Variants in WDTC1 observed in about 807,000 individuals in gnomAD.
WDTC1 encodes the protein WD and tetratricopeptide repeats protein 1.
Under a neutral mutation model 76.0 loss-of-function variants are expected in WDTC1, and 12 were observed. That is an observed-to-expected ratio of 0.16 (90% CI 0.10 to 0.26). The LOEUF (loss-of-function observed/expected upper bound fraction) is 0.26, where lower values mean the gene tolerates loss of function less well. WDTC1 is among the 10% of genes least tolerant of loss of function. The pLI is 1.00. For missense variants in WDTC1, 511 were observed against 908.8 expected, an observed-to-expected ratio of 0.56 and a Z score of 5.63; for synonymous variants, 326 against 350.8, an observed-to-expected ratio of 0.93 and a Z score of 0.79.
chr1:27,300,989 C>T (rs1269306239), intron 12 of WDTC1, among the ~76,000 whole-genome samples: 4 of 152,230 alleles, frequency 2.6e-5, no homozygotes, highest in South Asian at 2.1e-4. Flanking sequence ...GGCAGCCTGA[C>T]ACCAGCTTTT....
At chr1:27,288,786 A>G (rs1173246646) in intron 6 of WDTC1, among the ~76,000 whole-genome samples, 43 of 151,686 alleles carry the variant, frequency 2.8e-4, no homozygotes, top group African/African-American at 9.9e-4. Flanking sequence ...CGATTTCTCA[A>G]TCTTTTCCCC....
chr1:27,299,393 G>T (rs1436386424), intron 12 of WDTC1, among the ~76,000 whole-genome samples: 1 of 152,164 alleles, frequency 6.6e-6, no homozygotes, highest in Non-Finnish European at 1.5e-5. Flanking sequence ...GAAAAGTTGG[G>T]TCGCTTTAGC....
rs185330199 is a variant in WDTC1 at position 27,306,891 on chromosome 1, C to G, written c.*508C>G. 6.1e-6 allele frequency: 1 copy of G among 163,950 alleles called. No homozygotes were observed. The highest frequency in any genetic ancestry group is 2.4e-5 in the African/African-American group (1 of 41,712). 10.2% of individuals were successfully genotyped at this position (163,950 alleles called of 1,614,324 possible). A position where few individuals can be genotyped will look rare whatever the true frequency, so the allele number is the denominator to read the frequency against. ...AAAAAGGATGGGTCCCACCCTCCCT[C>G]CAGAGCCACCAGTGTTAGAGCGGAG... On this transcript the variant is annotated 3_prime_UTR_variant, in exon 16 of 16. Coordinates refer to ENST00000319394, the MANE Select transcript of WDTC1 (RefSeq NM_001276252.2). The surrounding 1 kb of genome is among the most constrained non-coding windows in gnomAD (Gnocchi z 5.0).
intron 2 of WDTC1, among the ~76,000 whole-genome samples, chr1:27,261,701 G>A (rs1229792745): frequency 2.0e-5 from 3 of 152,106 alleles, no homozygotes; most frequent in Non-Finnish European, 2.9e-5. Flanking sequence ...GGCATGATGT[G>A]CTCCAGCACT....
At position 27,298,063 on chromosome 1, in the gene WDTC1, A is replaced by G. The variant is rs1458517810; in HGVS notation, c.1184A>G (p.Asn395Ser). The change falls in exon 12 of 16, where the codon AAT (asparagine) becomes AGT (serine). Residue 395 changes from asparagine (N) to serine (S), a missense_variant. Transcript: ENST00000319394. ...YSKAVQRAPH[N>S]AMLYGNRAAA... ...AAGGCTGTGCAGAGGGCCCCTCACA[A>G]TGCCATGCTTTATGGAAACCGAGCA... 1.2e-6 allele frequency: 2 copies of G among 1,613,660 alleles called. No individual in the cohort carries two copies. Among genetic ancestry groups the G allele is most frequent in the Non-Finnish European group, 1.7e-6 (2 of 1,179,730 alleles).
At chr1:27,239,902 C>CT (rs1309574696) in intron 1 of WDTC1, among the ~76,000 whole-genome samples, 1 of 149,120 alleles carries the variant, frequency 6.7e-6, no homozygotes, top group Non-Finnish European at 1.5e-5. Flanking sequence ...CTTTTTCTTT[C>CT]TTTTTTTAAG....
rs74061747 is a variant in WDTC1 at position 27,267,052 on chromosome 1, C to T, written c.132+3817C>T. Among the ~76,000 whole-genome samples the T allele has an allele frequency of 8.8e-3, 1,338 of 152,264 alleles. 22 individuals carry two copies. Among genetic ancestry groups the T allele is most frequent in the African/African-American group, 0.03 (1,250 of 41,544 alleles). Reference sequence around the variant, plus strand: ...CTTTCATAACCTTATCCCTATTCAACCATGCGATTTCTGTAGCTTCCGCCT... The same window carrying T: ...CTTTCATAACCTTATCCCTATTCAATCATGCGATTTCTGTAGCTTCCGCCT... On this transcript the variant is annotated intron_variant, in intron 3 of 15. Transcript: ENST00000319394.
intron 3 of WDTC1, among the ~76,000 whole-genome samples, chr1:27,281,790 G>A (rs9728941): frequency 0.79 from 120,472 of 151,874 alleles, 48,612 homozygotes; most frequent in Middle Eastern, 0.89. Flanking sequence ...GGGTTTCGCC[G>A]TGTTGCCCAG....
chr1:27,259,486 T>C (rs766684104), intron 1 of WDTC1, among the ~76,000 whole-genome samples: 56 of 151,852 alleles, frequency 3.7e-4, no homozygotes, highest in Non-Finnish European at 6.9e-4. Flanking sequence ...AGTTTTGTTA[T>C]GATAAAATTG....
At chr1:27,276,070 G>A (rs557850064) in intron 3 of WDTC1, among the ~76,000 whole-genome samples, 129 of 151,926 alleles carry the variant, frequency 8.5e-4, no homozygotes, top group Non-Finnish European at 1.5e-3. Context: ...TCTTTTTTGC[G>A]GCCAAATAGC....
At chr1:27,241,516 A>G (rs974030488) in intron 1 of WDTC1, among the ~76,000 whole-genome samples, 3 of 152,118 alleles carry the variant, frequency 2.0e-5, no homozygotes, top group African/African-American at 7.2e-5. Flanking sequence ...ACACATCTGG[A>G]TATAACACTA....
chr1:27,266,463 T>G (rs2012679586), intron 3 of WDTC1, among the ~76,000 whole-genome samples: 1 of 152,226 alleles, frequency 6.6e-6, no homozygotes, highest in African/African-American at 2.4e-5. Context: ...AAAGGCCATT[T>G]CTTCATCTGT....
At chr1:27,261,211 C>A in intron 2 of WDTC1, 109 bp downstream of exon 2, 1 of 1,303,036 alleles carries the variant, frequency 7.7e-7, no homozygotes, top group Non-Finnish European at 1.1e-6. Flanking sequence ...CCTAAAGTCA[C>A]GTAGCTAGTT....
chr1:27,295,627 G>C (rs1424824233), intron 9 of WDTC1, among the ~76,000 whole-genome samples: 1 of 151,576 alleles, frequency 6.6e-6, no homozygotes, highest in Admixed American at 6.6e-5. Context: ...GGCTAATTTT[G>C]TATTTTTAGT....
intron 1 of WDTC1, among the ~76,000 whole-genome samples, chr1:27,241,280 C>T (rs2011625275): frequency 6.6e-6 from 1 of 152,134 alleles, no homozygotes; most frequent in Non-Finnish European, 1.5e-5. Flanking sequence ...AGGATCAGAC[C>T]TTGCCCAGGG....
At chr1:27,297,239 C>A in intron 11 of WDTC1, 83 bp downstream of exon 11, 1 of 1,262,756 alleles carries the variant, frequency 7.9e-7, no homozygotes. Flanking sequence ...TGTAAATCTT[C>A]CTCCTGACCC....
rs1159257691 is a variant in WDTC1 at position 27,234,646 on chromosome 1, T to A, written c.-405T>A. 1 of 394,700 alleles carries A rather than the reference T, an allele frequency of 2.5e-6. No individual in the cohort carries two copies. The highest frequency in any genetic ancestry group is 4.5e-6 in the Non-Finnish European group (1 of 224,026). The allele number at this position is 394,700 out of a possible 1,614,324, so 24.4% of individuals were successfully genotyped here. The stretch of plus-strand genomic sequence containing the variant: ...GGCGCGTTGCTGGGCTTCTCCTGGG[T>A]CCCCAGACAGCTGGAGGAGATAAAC... On this transcript the variant is annotated 5_prime_UTR_variant, in exon 1 of 16. Coordinates refer to ENST00000319394, the MANE Select transcript of WDTC1 (RefSeq NM_001276252.2).
At chr1:27,237,738 C>T (rs984793493) in intron 1 of WDTC1, among the ~76,000 whole-genome samples, 1 of 151,934 alleles carries the variant, frequency 6.6e-6, no homozygotes, top group Non-Finnish European at 1.5e-5. Flanking sequence ...GTAGTCCCAG[C>T]TACTCAGGAG....
intron 10 of WDTC1, 97 bp downstream of exon 10, chr1:27,296,498 G>A: frequency 5.3e-6 from 7 of 1,316,816 alleles, no homozygotes; most frequent in Non-Finnish European, 6.5e-6. Context: ...TCTGGACCGT[G>A]ATCCTCCAAA....
Sources: allele counts gnomAD v4.1 joint callset (sites outside exome capture counted in the v4.1 genomes callset), GRCh38; gene constraint gnomAD v4.1.1; non-coding constraint Gnocchi (gnomAD v3.1); transcripts MANE v1.5; gene names NCBI Gene and HGNC (gene_info 2026-07-23, HGNC 2026-07-21).